Variants in KCNK13 observed in about 807,000 individuals in gnomAD.
The protein encoded by KCNK13 is potassium channel subfamily K member 13.
Under a neutral mutation model 23.4 loss-of-function variants are expected in KCNK13, and 12 were observed. The observed-to-expected ratio is 0.51, with a 90% CI of 0.33 to 0.83. KCNK13 has a LOEUF of 0.83. KCNK13 is among the 40% of genes least tolerant of loss of function. The probability of loss-of-function intolerance (pLI) is 0.02; values close to 1 mark genes in which losing one functional copy is unlikely to be tolerated. For missense variants in KCNK13, 463 were observed against 556.3 expected, an observed-to-expected ratio of 0.83 and a Z score of 1.69; for synonymous variants, 231 against 229.5, an observed-to-expected ratio of 1.01 and a Z score of -0.06.
At chr14:90,165,520 C>T (rs139740015) in intron 1 of KCNK13, among the ~76,000 whole-genome samples, 70 of 152,268 alleles carry the variant, frequency 4.6e-4, no homozygotes, top group African/African-American at 1.4e-3. Flanking sequence ...TTCTCACTCA[C>T]GTTGAAGAAA....
At chr14:90,140,942 C>T (rs574620005) in intron 1 of KCNK13, among the ~76,000 whole-genome samples, 2 of 152,320 alleles carry the variant, frequency 1.3e-5, no homozygotes, top group African/African-American at 4.8e-5. Flanking sequence ...CACCCACTCT[C>T]ACATTAGGGG....
At chr14:90,164,313 C>T (rs1890280216) in intron 1 of KCNK13, among the ~76,000 whole-genome samples, 1 of 152,176 alleles carries the variant, frequency 6.6e-6, no homozygotes, top group African/African-American at 2.4e-5. Flanking sequence ...CTAAAATTAA[C>T]ATTTTTAAGG....
At chr14:90,085,983 A>G (rs1889271878) in intron 1 of KCNK13, among the ~76,000 whole-genome samples, 1 of 150,488 alleles carries the variant, frequency 6.6e-6, no homozygotes, top group Non-Finnish European at 1.5e-5. Flanking sequence ...TAGTTGGGGC[A>G]TGTTCATTCG....
chr14:90,181,789 C>G (rs1465337394), intron 1 of KCNK13, among the ~76,000 whole-genome samples: 1 of 152,198 alleles, frequency 6.6e-6, no homozygotes, highest in Admixed American at 6.5e-5. Flanking sequence ...CCACACATCT[C>G]TCTTCATGTT....
intron 1 of KCNK13, among the ~76,000 whole-genome samples, chr14:90,088,190 A>G (rs768719741): frequency 5.9e-5 from 9 of 152,030 alleles, no homozygotes; most frequent in Non-Finnish European, 1.2e-4. Context: ...TGTAGTAGAG[A>G]CAGGGTTTCA....
Position 90,072,342 on chromosome 14 carries a change from G to A in KCNK13, c.334+9803G>A, listed in dbSNP as rs72697387. The stretch of plus-strand genomic sequence containing the variant: ...TCCATGAACTCAGGGGTCAGACCGT[G>A]AATGTAAATGAGTGTAACGGGGTGT... On this transcript the variant is annotated intron_variant, in intron 1 of 1. Transcript: ENST00000282146. Among the ~76,000 whole-genome samples, 1,277 of 152,346 alleles carry A rather than the reference G, an allele frequency of 8.4e-3. 12 individuals are homozygous for A. Among genetic ancestry groups the A allele is most frequent in the Middle Eastern group, 0.027 (8 of 294 alleles).
At position 90,185,467 on chromosome 14, in the gene KCNK13, T is replaced by A. The variant is rs1204135980; in HGVS notation, c.*464T>A. 1.3e-5 allele frequency: 2 copies of A among 154,902 alleles called. No homozygotes were observed. The highest frequency in any genetic ancestry group is 4.8e-5 in the African/African-American group (2 of 41,474). 9.6% of individuals were successfully genotyped at this position (154,902 alleles called of 1,614,324 possible). On this transcript the variant is annotated 3_prime_UTR_variant, in exon 2 of 2. Transcript: ENST00000282146. Reference sequence around the variant, plus strand: ...AGAATGTTTGGGGATGTGTCTGGGCTTTCTTTTTGCCAGGCTTCCTTCAAA... The same window carrying A: ...AGAATGTTTGGGGATGTGTCTGGGCATTCTTTTTGCCAGGCTTCCTTCAAA...
intron 1 of KCNK13, among the ~76,000 whole-genome samples, chr14:90,149,172 A>G (rs1265754598): frequency 6.6e-6 from 1 of 152,118 alleles, no homozygotes; most frequent in Non-Finnish European, 1.5e-5. Flanking sequence ...CCTGACCGAT[A>G]TGGTGAAACC....
chr14:90,074,861 G>A (rs1215846442), intron 1 of KCNK13, among the ~76,000 whole-genome samples: 4 of 151,958 alleles, frequency 2.6e-5, no homozygotes, highest in Non-Finnish European at 2.9e-5. Flanking sequence ...CATTATAATC[G>A]TATTGCCTTT....
At chr14:90,100,586 T>C (rs577693280) in intron 1 of KCNK13, among the ~76,000 whole-genome samples, 25 of 152,296 alleles carry the variant, frequency 1.6e-4, no homozygotes, top group African/African-American at 4.8e-4. Context: ...AGATTAGTAG[T>C]GGCTATTTTT....
chr14:90,070,812 G>A (rs966614334), intron 1 of KCNK13, among the ~76,000 whole-genome samples: 1 of 152,218 alleles, frequency 6.6e-6, no homozygotes, highest in Non-Finnish European at 1.5e-5. Context: ...AGCAATGTGT[G>A]GTCGTGGGGA....
chr14:90,105,345 C>A (rs890849239), intron 1 of KCNK13, among the ~76,000 whole-genome samples: 7 of 152,272 alleles, frequency 4.6e-5, no homozygotes, highest in Non-Finnish European at 8.8e-5. Flanking sequence ...TCTCTCACCC[C>A]CTTGGTGAAG....
At chr14:90,071,908 AAG>A (rs1180583538) in intron 1 of KCNK13, among the ~76,000 whole-genome samples, 1 of 151,950 alleles carries the variant, frequency 6.6e-6, no homozygotes, top group Non-Finnish European at 1.5e-5. Flanking sequence ...AAAAAAAAAA[AAG>A]AGGGAAGGAG....
At chr14:90,166,487 C>T (rs149200348) in intron 1 of KCNK13, among the ~76,000 whole-genome samples, 47 of 152,270 alleles carry the variant, frequency 3.1e-4, no homozygotes, top group Non-Finnish European at 5.6e-4. Flanking sequence ...GGGCAGACCA[C>T]CTGTGGTCAG....
At chr14:90,182,262 C>A (rs1364330357) in intron 1 of KCNK13, among the ~76,000 whole-genome samples, 1 of 152,188 alleles carries the variant, frequency 6.6e-6, no homozygotes, top group African/African-American at 2.4e-5. Context: ...AATGGTAATA[C>A]AGTATGCACA....
intron 1 of KCNK13, among the ~76,000 whole-genome samples, chr14:90,085,830 A>G (rs1375500045): frequency 6.4e-5 from 9 of 139,770 alleles, no homozygotes; most frequent in Non-Finnish European, 1.1e-4. Flanking sequence ...TATATATTAT[A>G]TATTATATAG....
chr14:90,164,289 T>C (rs1566649846), intron 1 of KCNK13, among the ~76,000 whole-genome samples: 1 of 152,234 alleles, frequency 6.6e-6, no homozygotes. Flanking sequence ...AACTTCTTTC[T>C]GACACTAATA....
At position 90,115,072 on chromosome 14, in the gene KCNK13, C is replaced by G. The variant is rs144219807; in HGVS notation, c.334+52533C>G. Among the ~76,000 whole-genome samples, 9 of 152,290 alleles carry G rather than the reference C, an allele frequency of 5.9e-5. No individual in the cohort carries two copies. In the East Asian group the frequency reaches 1.7e-3, roughly 29 times the overall value. On this transcript the variant is annotated intron_variant, in intron 1 of 1. Coordinates refer to ENST00000282146, the MANE Select transcript of KCNK13 (RefSeq NM_022054.4). ...ACCAACCCAATGCAGATTCTGGCAA[C>G]CAGGAGGAATTGCACCTTCAAAATT... is the stretch of plus-strand genomic sequence containing the variant.
intron 1 of KCNK13, among the ~76,000 whole-genome samples, chr14:90,116,724 A>G (rs563180060): frequency 2.0e-5 from 3 of 152,308 alleles, no homozygotes; most frequent in Admixed American, 2.0e-4. Context: ...AGGTGAATGC[A>G]GCATACCCCA....
Sources: gnomAD v4.1 joint callset for allele counts (sites outside exome capture counted in the v4.1 genomes callset) on GRCh38, gnomAD v4.1.1 for gene constraint, MANE v1.5 for transcripts, NCBI Gene and HGNC (gene_info 2026-07-23, HGNC 2026-07-21) for gene names.